Variants in AP1B1 observed in about 807,000 individuals in gnomAD.
The protein encoded by AP1B1 is adaptor related protein complex 1 subunit beta 1.
AP1B1 carries 36 observed loss-of-function variants against 104.3 expected under a neutral mutation model. That is an observed-to-expected ratio of 0.35 (90% CI 0.26 to 0.46). The LOEUF (loss-of-function observed/expected upper bound fraction) is 0.46, where lower values mean the gene tolerates loss of function less well. Ranked by LOEUF, AP1B1 falls within the 20% of genes least tolerant of loss-of-function variation. The probability of loss-of-function intolerance (pLI) is 1.00; values close to 1 mark genes in which losing one functional copy is unlikely to be tolerated. For synonymous variants in AP1B1, 504 were observed against 517.5 expected, an observed-to-expected ratio of 0.97 and a Z score of 0.35; for missense variants, 901 against 1,247.9, an observed-to-expected ratio of 0.72 and a Z score of 4.19.
At chr22:29,381,358 T>TGG (rs2062433668) in intron 1 of AP1B1, among the ~76,000 whole-genome samples, 1 of 152,128 alleles carries the variant, frequency 6.6e-6, no homozygotes, top group African/African-American at 2.4e-5. Flanking sequence ...CTAATGTAAA[T>TGG]GGGGGTAAGG....
chr22:29,335,977 C>T (rs2061632360), intron 16 of AP1B1, among the ~76,000 whole-genome samples: 1 of 152,244 alleles, frequency 6.6e-6, no homozygotes, highest in South Asian at 2.1e-4. Flanking sequence ...ATCAGGCCTC[C>T]TTTCCCCTGG....
intron 21 of AP1B1, 118 bp downstream of exon 21, chr22:29,330,260 A>C: frequency 2.6e-6 from 4 of 1,528,594 alleles, no homozygotes; most frequent in Non-Finnish European, 3.5e-6. Context: ...GACCAAACTG[A>C]TTCTAGTTCA....
At chr22:29,341,180 C>T (rs538667986) in intron 13 of AP1B1, among the ~76,000 whole-genome samples, 11 of 152,222 alleles carry the variant, frequency 7.2e-5, no homozygotes, top group African/African-American at 1.9e-4. Flanking sequence ...GAGGAGGAGG[C>T]GCAGACAGGG....
intron 14 of AP1B1, among the ~76,000 whole-genome samples, chr22:29,340,002 C>G (rs1017071740): frequency 1.3e-5 from 2 of 152,094 alleles, no homozygotes. Context: ...CACCACAGCC[C>G]TTCCTGCCTC....
chr22:29,374,327 G>A (rs2062297783), intron 1 of AP1B1, among the ~76,000 whole-genome samples: 1 of 152,052 alleles, frequency 6.6e-6, no homozygotes, highest in Non-Finnish European at 1.5e-5. Context: ...AATCTTAAAA[G>A]AACCATGAAT....
intron 1 of AP1B1, among the ~76,000 whole-genome samples, chr22:29,368,464 C>T (rs1247333688): frequency 2.6e-5 from 4 of 152,212 alleles, no homozygotes; most frequent in Admixed American, 1.3e-4. Context: ...ACCCTAGATA[C>T]ATTTATTAAG....
At position 29,362,702 on chromosome 22, in the gene AP1B1, A is replaced by G. The variant is rs1393400270; in HGVS notation, c.143+299T>C. Among the ~76,000 whole-genome samples, 8 of 152,278 alleles carry G rather than the reference A, an allele frequency of 5.3e-5. No individual in the cohort carries two copies. The East Asian group carries it at 1.5e-3, about 29-fold the overall frequency. On this transcript the variant is annotated intron_variant, in intron 3 of 22. Transcript: ENST00000357586. ...CTGGCCACACTGGGTCCTCTTCCCC[A>G]GCCAGTACTGATCCTCTGGAGTTTC...
rs1434582662 is a variant in AP1B1 at position 29,331,773 on chromosome 22, T to C, written c.2439+14A>G. The stretch of plus-strand genomic sequence containing the variant: ...TGAGTAAGGACTGGGGTGCCTGCCC[T>C]GCCCGGAACCCACCTGGAGGTTGTT... On this transcript the variant is annotated intron_variant, in intron 18 of 22. Transcript: ENST00000357586. 5 of 1,614,138 alleles carry C rather than the reference T, an allele frequency of 3.1e-6. No homozygotes were observed. Among genetic ancestry groups the C allele is most frequent in the Admixed American group, 1.7e-5 (1 of 60,022 alleles).
chr22:29,373,083 T>G (rs2062267951), intron 1 of AP1B1, among the ~76,000 whole-genome samples: 1 of 151,958 alleles, frequency 6.6e-6, no homozygotes. Flanking sequence ...GCCAGGAGTT[T>G]GAGACTGGCT....
At position 29,331,819 on chromosome 22, in the gene AP1B1, C is replaced by T. The variant is rs2061562884; in HGVS notation, c.2407G>A (p.Val803Ile). The T allele has an allele frequency of 6.2e-7, 1 of 1,614,148 alleles. No individual in the cohort carries two copies. The highest frequency in any genetic ancestry group is 1.1e-5 in the South Asian group (1 of 91,084). ...ISLPLSTVGS[V>I]MKMEPLNNLQ... ...TTGTTCAGAGGCTCCATCTTCATGA[C>T]CGAGCCCACCGTGCTGAGAGGCAGG... The change falls in exon 18 of 23, where the codon GTC (valine) becomes ATC (isoleucine). Residue 803 changes from valine (V) to isoleucine (I), a missense_variant. By Grantham distance (29) the Val-to-Ile change is conservative. Coordinates refer to ENST00000357586, the MANE Select transcript of AP1B1 (RefSeq NM_001127.4).
chr22:29,334,284 T>G lies in AP1B1; in HGVS notation c.2290A>C (p.Ile764Leu). The G allele has an allele frequency of 6.2e-7, 1 of 1,604,094 alleles. No homozygotes were observed. Among genetic ancestry groups the G allele is most frequent in the Non-Finnish European group, 8.5e-7 (1 of 1,176,414 alleles). Residue 764 changes from isoleucine to leucine, a missense_variant, in exon 17 of 23, where the codon ATC becomes CTC. By Grantham distance (5) the Ile-to-Leu change is conservative. This residue lies in a region of AP1B1 where 424 missense variants were observed against 494.0 expected (regional missense o/e 0.86). Transcript: ENST00000357586. The part of the protein sequence containing the change: ...KALQVMTDFA[I>L]QFNRNSFGLA... ...TCTCACCTGTTGCGGTTGAACTGGA[T>G]GGCAAAGTCGGTCATGACCTGCAAG...
intron 8 of AP1B1, 112 bp from the exon 9 acceptor site, chr22:29,351,378 C>T (rs182872214): frequency 8.0e-7 from 1 of 1,252,464 alleles, no homozygotes; most frequent in Non-Finnish European, 1.2e-6. Context: ...ATTCTGCCTC[C>T]TGCTCCAGGT....
chr22:29,360,847 C>G (rs5997466), intron 3 of AP1B1, among the ~76,000 whole-genome samples: 6,027 of 152,218 alleles, frequency 0.04, 397 homozygotes, highest in African/African-American at 0.14. Context: ...ATCATCATAT[C>G]CCCTCTCAAT....
chr22:29,376,222 A>T (rs1450300022), intron 1 of AP1B1, among the ~76,000 whole-genome samples: 2 of 152,208 alleles, frequency 1.3e-5, no homozygotes, highest in Non-Finnish European at 2.9e-5. Flanking sequence ...CAATTTCTCC[A>T]AATGGCCAGC....
At chr22:29,367,586 C>T (rs2148023116) in intron 1 of AP1B1, among the ~76,000 whole-genome samples, 2 of 151,298 alleles carry the variant, frequency 1.3e-5, no homozygotes, top group Middle Eastern at 6.8e-3. Context: ...AGGTGTGAGC[C>T]ACCACACCTG....
rs1452549912 is a variant in AP1B1, at chr22:29,328,490, G to A, written c.*331C>T. ...AGGAGCCAGGGGCTGCCGGGGCTGT[G>A]AGCCGGAGGGGCAAGCTCCACACTC... On this transcript the variant is annotated 3_prime_UTR_variant, in exon 23 of 23. Coordinates refer to ENST00000357586, the MANE Select transcript of AP1B1 (RefSeq NM_001127.4). This position sits in a 1 kb window ranked among gnomAD's most constrained non-coding sequence, Gnocchi z 4.1. 1.5e-5 allele frequency: 4 copies of A among 262,934 alleles called. No homozygotes were observed. In the East Asian group the frequency reaches 3.4e-4, roughly 22 times the overall value. 16.3% of individuals were successfully genotyped at this position (262,934 alleles called of 1,614,324 possible).
chr22:29,340,683 G>T lies in AP1B1; in HGVS notation c.1971C>A (p.Asp657Glu). 1 of 1,574,176 alleles carries T rather than the reference G, an allele frequency of 6.4e-7. No homozygotes were observed. The highest frequency in any genetic ancestry group is 1.9e-5 in the Admixed American group (1 of 53,778). The change falls in exon 14 of 23, where the codon GAC (aspartate) becomes GAA (glutamate). Residue 657 changes from aspartate (D) to glutamate (E), a missense_variant. Coordinates refer to ENST00000357586, the MANE Select transcript of AP1B1 (RefSeq NM_001127.4). ...ATSSVQMGAVDLLGGGLDSLM... is the reference protein window; with the variant it reads ...ATSSVQMGAVELLGGGLDSLM... Reference sequence around the variant, plus strand: ...GGCTGTCAAGGCCACCGCCAAGAAGGTCCACAGCTCCCATCTGCACCGAGG... The same window carrying T: ...GGCTGTCAAGGCCACCGCCAAGAAGTTCCACAGCTCCCATCTGCACCGAGG...
chr22:29,354,371 G>T (rs567900048), intron 7 of AP1B1, among the ~76,000 whole-genome samples: 1 of 152,226 alleles, frequency 6.6e-6, no homozygotes, highest in African/African-American at 2.4e-5. Flanking sequence ...TACTGTGAGG[G>T]GCTATTCTGT....
Position 29,350,106 on chromosome 22 carries a change from C to G in AP1B1, c.1200G>C (p.Gln400His), listed in dbSNP as rs763204905. ...RCVSTLLDLIQTKVNYVVQEA... is the reference protein window; with the variant it reads ...RCVSTLLDLIHTKVNYVVQEA... ...CCTGGACCACATAGTTGACCTTGGTCTGGATGAGGTCGAGCAGCGTGCTCA... is the reference window on the plus strand; with the variant it reads ...CCTGGACCACATAGTTGACCTTGGTGTGGATGAGGTCGAGCAGCGTGCTCA... Residue 400 changes from glutamine to histidine, a missense_variant, in exon 10 of 23, where the codon CAG becomes CAC. Gln to His is a conservative substitution (Grantham distance 24). Transcript: ENST00000357586. 2 of 1,614,214 alleles carry G rather than the reference C, an allele frequency of 1.2e-6. No individual in the cohort carries two copies. Among genetic ancestry groups the G allele is most frequent in the Admixed American group, 3.3e-5 (2 of 60,030 alleles).
Sources: gnomAD v4.1 joint callset for allele counts (sites outside exome capture counted in the v4.1 genomes callset) on GRCh38, gnomAD v4.1.1 for gene constraint, gnomAD v4.1.1 regional missense constraint, Gnocchi (gnomAD v3.1) non-coding constraint, MANE v1.5 for transcripts, NCBI Gene and HGNC (gene_info 2026-07-23, HGNC 2026-07-21) for gene names.